The following GRM5 variants were observed in gnomAD, a reference collection of about 807,000 sequenced individuals.
The protein encoded by GRM5 is glutamate metabotropic receptor 5, also known as metabotropic glutamate receptor 5.
Under a neutral mutation model 83.1 loss-of-function variants are expected in GRM5, and 19 were observed. The observed-to-expected ratio is 0.23, with a 90% confidence interval of 0.16 to 0.34. GRM5 has a LOEUF of 0.34. Among genes scored for constraint, GRM5 ranks in the 10% least tolerant of loss-of-function variants. The pLI, the probability that GRM5 is intolerant of heterozygous loss-of-function variation, is 1.00. For missense variants in GRM5, 1,160 were observed against 1,588.3 expected, an observed-to-expected ratio of 0.73 and a Z score of 4.58; for synonymous variants, 675 against 633.6, an observed-to-expected ratio of 1.07 and a Z score of -0.98.
chr11:88,760,484 A>G (rs1299876235), intron 3 of GRM5, among the ~76,000 whole-genome samples: 1 of 152,124 alleles, frequency 6.6e-6, no homozygotes. Context: ...TCTTGGATAC[A>G]TGTACTCTGC....
chr11:88,818,658 C>T (rs1489693679), intron 3 of GRM5, among the ~76,000 whole-genome samples: 2 of 152,054 alleles, frequency 1.3e-5, no homozygotes, highest in Admixed American at 6.5e-5. Flanking sequence ...ATTATTCATG[C>T]CTGTCATTCA....
At chr11:88,846,275 G>A (rs1004362946) in intron 3 of GRM5, among the ~76,000 whole-genome samples, 6 of 152,088 alleles carry the variant, frequency 3.9e-5, no homozygotes, top group African/African-American at 1.4e-4. Context: ...CCCAGATCTA[G>A]AACAAGACAG....
At chr11:88,901,379 A>G (rs1945313227) in intron 2 of GRM5, among the ~76,000 whole-genome samples, 2 of 152,184 alleles carry the variant, frequency 1.3e-5, no homozygotes, top group Non-Finnish European at 2.9e-5. Flanking sequence ...TAAATCTGAG[A>G]TAATTGTAAG....
chr11:88,522,119 G>A (rs996140526), intron 9 of GRM5, among the ~76,000 whole-genome samples: 1 of 152,166 alleles, frequency 6.6e-6, no homozygotes, highest in Non-Finnish European at 1.5e-5. Flanking sequence ...TGGCCACAGA[G>A]GAGTCCCAGA....
intron 3 of GRM5, among the ~76,000 whole-genome samples, chr11:88,811,354 A>G (rs1243667731): frequency 6.6e-6 from 1 of 152,150 alleles, no homozygotes; most frequent in Non-Finnish European, 1.5e-5. Context: ...ATAAGGAAAC[A>G]AGGACTTTGG....
At chr11:88,698,284 T>C (rs1565191346) in intron 3 of GRM5, among the ~76,000 whole-genome samples, 2 of 152,182 alleles carry the variant, frequency 1.3e-5, no homozygotes, top group South Asian at 4.1e-4. Context: ...TTGGTCTCTC[T>C]ATTCCAGCTA....
chr11:88,905,199 A>T (rs535199173), intron 2 of GRM5, among the ~76,000 whole-genome samples: 2 of 152,340 alleles, frequency 1.3e-5, no homozygotes, highest in East Asian at 3.9e-4. Flanking sequence ...AAGAATGTGG[A>T]AATTAACATC....
At chr11:88,676,815 CA>C in intron 3 of GRM5, among the ~76,000 whole-genome samples, 1 of 152,160 alleles carries the variant, frequency 6.6e-6, no homozygotes, top group Middle Eastern at 3.4e-3. Flanking sequence ...ATTTAAGTAA[CA>C]CATTTTTATG....
At chr11:88,823,462 G>A (rs1943837104) in intron 3 of GRM5, among the ~76,000 whole-genome samples, 2 of 151,840 alleles carry the variant, frequency 1.3e-5, no homozygotes, top group Middle Eastern at 3.4e-3. Flanking sequence ...TTCAGTGTTA[G>A]AAGTTTTCCT....
At chr11:88,775,838 C>G (rs182468581) in intron 3 of GRM5, among the ~76,000 whole-genome samples, 1 of 152,126 alleles carries the variant, frequency 6.6e-6, no homozygotes, top group African/African-American at 2.4e-5. Context: ...TTTACATTTG[C>G]TGAGGAGTGA....
chr11:88,528,527 G>A (rs1192470187), intron 8 of GRM5, among the ~76,000 whole-genome samples: 1 of 151,880 alleles, frequency 6.6e-6, no homozygotes, highest in Non-Finnish European at 1.5e-5. Context: ...ATATGGAATT[G>A]TCAATTAAAA....
At chr11:88,758,477 T>G (rs1225731692) in intron 3 of GRM5, among the ~76,000 whole-genome samples, 1 of 151,978 alleles carries the variant, frequency 6.6e-6, no homozygotes, top group Non-Finnish European at 1.5e-5. Context: ...TAGACCATAC[T>G]GAAGAAAGAA....
At chr11:88,868,751 A>C (rs12422119) in intron 2 of GRM5, among the ~76,000 whole-genome samples, 2 of 151,730 alleles carry the variant, frequency 1.3e-5, no homozygotes, top group Non-Finnish European at 2.9e-5. Flanking sequence ...CCAAAGTAAC[A>C]GCGTCTTAGT....
chr11:89,034,321 C>T lies in GRM5; in HGVS notation c.661+12891G>A, dbSNP rs190706711. ...AACAAAAAGGAATTACTTACTACACCATCTACGGTGCTCTAAATGATATAA... is the reference window on the plus strand; with the variant it reads ...AACAAAAAGGAATTACTTACTACACTATCTACGGTGCTCTAAATGATATAA... On this transcript the variant is annotated intron_variant, in intron 2 of 9. Transcript: ENST00000305447. Among the ~76,000 whole-genome samples the T allele has an allele frequency of 3.4e-3, 512 of 151,884 alleles. 1 individual carries two copies. The highest frequency in any genetic ancestry group is 0.012 in the African/African-American group (483 of 41,506).
intron 6 of GRM5, among the ~76,000 whole-genome samples, chr11:88,591,634 G>C (rs1055971603): frequency 6.6e-6 from 1 of 152,184 alleles, no homozygotes; most frequent in East Asian, 1.9e-4. Context: ...GCTAACTCTA[G>C]TAATGACCTT....
intron 2 of GRM5, among the ~76,000 whole-genome samples, chr11:88,968,231 G>T (rs1241420059): frequency 5.3e-5 from 8 of 152,116 alleles, no homozygotes; most frequent in African/African-American, 1.2e-4. Flanking sequence ...GATCTGGTCA[G>T]CTGGAAGAAT....
rs763813509 is a variant in GRM5, at chr11:88,567,414, A to G, written c.2269T>C (p.Tyr757His). 1.9e-6 allele frequency: 3 copies of G among 1,614,036 alleles called. No homozygotes were observed. Among genetic ancestry groups the G allele is most frequent in the Non-Finnish European group, 1.7e-6 (2 of 1,179,878 alleles). The change falls in exon 8 of 10, where the codon TAT (tyrosine) becomes CAT (histidine). Residue 757 changes from tyrosine to histidine, a missense_variant. Transcript: ENST00000305447. The surrounding 1 kb of genome is among the most constrained non-coding windows in gnomAD (Gnocchi z 7.3). ...NGLLILSCTFYAFKTRNVPAN... is the reference protein window; with the variant it reads ...NGLLILSCTFHAFKTRNVPAN... ...GGAACATTTCTGGTCTTGAACGCAT[A>G]GAAGGTGCAGCTCAAAATCAACAAT...
intron 3 of GRM5, among the ~76,000 whole-genome samples, chr11:88,721,268 T>C (rs919351932): frequency 1.3e-5 from 2 of 152,130 alleles, no homozygotes; most frequent in Non-Finnish European, 2.9e-5. Flanking sequence ...TTTCTAGAAA[T>C]TCAATCTTTT....
intron 6 of GRM5, among the ~76,000 whole-genome samples, chr11:88,596,091 C>G (rs1033886705): frequency 6.6e-6 from 1 of 152,110 alleles, no homozygotes; most frequent in Admixed American, 6.5e-5. Flanking sequence ...TTCTCTAAAG[C>G]CATCCCCATT....
Sources: gnomAD v4.1 joint callset for allele counts (sites outside exome capture counted in the v4.1 genomes callset) on GRCh38, gnomAD v4.1.1 for gene constraint, Gnocchi (gnomAD v3.1) non-coding constraint, MANE v1.5 for transcripts, NCBI Gene and HGNC (gene_info 2026-07-23, HGNC 2026-07-21) for gene names.